Variants in GSK3B observed in about 807,000 individuals in gnomAD.
GSK3B encodes glycogen synthase kinase-3 beta.
GSK3B carries 15 observed loss-of-function variants against 56.4 expected under a neutral mutation model. The observed-to-expected ratio is 0.27, with a 90% CI of 0.18 to 0.41. The LOEUF (loss-of-function observed/expected upper bound fraction) is 0.41, where lower values mean the gene tolerates loss of function less well. Among genes scored for constraint, GSK3B ranks in the 10% least tolerant of loss-of-function variants. GSK3B has a pLI of 1.00. For missense variants in GSK3B, 300 were observed against 513.4 expected (o/e 0.58, Z 4.02); for synonymous variants, 181 against 188.9 (o/e 0.96, Z 0.34).
chr3:119,848,820 A>C (rs867452320), intron 9 of GSK3B, among the ~76,000 whole-genome samples: 1 of 152,296 alleles, frequency 6.6e-6, no homozygotes, highest in South Asian at 2.1e-4. Flanking sequence ...AAAGCTTAAA[A>C]CTGAGAAAAC....
chr3:119,911,109 T>A (rs542745988), intron 6 of GSK3B, among the ~76,000 whole-genome samples: 1 of 152,276 alleles, frequency 6.6e-6, no homozygotes, highest in East Asian at 1.9e-4. Context: ...ACACCTAGAA[T>A]GGTGAATCCT....
chr3:119,974,244 C>T (rs1411141832), intron 2 of GSK3B, among the ~76,000 whole-genome samples: 7 of 152,106 alleles, frequency 4.6e-5, no homozygotes, highest in Admixed American at 1.3e-4. Flanking sequence ...ATTCTTAAAA[C>T]TCAACAATAA....
intron 2 of GSK3B, among the ~76,000 whole-genome samples, chr3:119,951,499 A>G (rs1347812157): frequency 6.6e-6 from 1 of 152,202 alleles, no homozygotes; most frequent in Non-Finnish European, 1.5e-5. Context: ...TGAACCCAGG[A>G]GGTGGAGCCT....
intron 7 of GSK3B, among the ~76,000 whole-genome samples, chr3:119,882,580 G>A (rs945863832): frequency 6.6e-6 from 1 of 152,030 alleles, no homozygotes; most frequent in Admixed American, 6.6e-5. Flanking sequence ...ACATCAGCAT[G>A]CATATAATTA....
intron 10 of GSK3B, among the ~76,000 whole-genome samples, chr3:119,828,422 G>C (rs2055548962): frequency 6.6e-6 from 1 of 152,198 alleles, no homozygotes; most frequent in African/African-American, 2.4e-5. Flanking sequence ...TAAGCCCTGA[G>C]CAAGAGAGGT....
intron 7 of GSK3B, among the ~76,000 whole-genome samples, chr3:119,892,165 C>T (rs1034896640): frequency 6.6e-6 from 1 of 152,120 alleles, no homozygotes; most frequent in Admixed American, 6.5e-5. Flanking sequence ...CATGTGTAGC[C>T]TTTAAGAGCG....
chr3:119,849,670 AT>A (rs2055901643), intron 9 of GSK3B, among the ~76,000 whole-genome samples: 1 of 152,162 alleles, frequency 6.6e-6, no homozygotes. Flanking sequence ...TATGTAATGT[AT>A]AGTCAGCTAT....
chr3:119,891,791 A>T (rs1311169510), intron 7 of GSK3B, among the ~76,000 whole-genome samples: 2 of 152,132 alleles, frequency 1.3e-5, no homozygotes, highest in South Asian at 2.1e-4. Flanking sequence ...AAAAATTATC[A>T]CACCAATGGG....
Position 119,825,428 on chromosome 3 carries a change from G to A in GSK3B, c.*1360C>T, listed in dbSNP as rs1438450460. On this transcript the variant is annotated 3_prime_UTR_variant, in exon 11 of 11. Coordinates refer to ENST00000264235, the MANE Select transcript of GSK3B (RefSeq NM_001146156.2). ...CACAAAAACTCTTAACTGGGTGTGG[G>A]GGAAACATTCTTCTCATGCTTCAAC... is the stretch of plus-strand genomic sequence containing the variant. 1 of 229,974 alleles carries A rather than the reference G, an allele frequency of 4.3e-6. No individual in the cohort carries two copies. The highest frequency in any genetic ancestry group is 1.8e-4 in the South Asian group (1 of 5,494). 14.2% of individuals were successfully genotyped at this position (229,974 alleles called of 1,614,324 possible).
intron 2 of GSK3B, among the ~76,000 whole-genome samples, chr3:119,990,899 G>A (rs2057558614): frequency 6.6e-6 from 1 of 152,190 alleles, no homozygotes; most frequent in South Asian, 2.1e-4. Context: ...TTGCACTCCA[G>A]CCTGGGCAAC....
intron 1 of GSK3B, among the ~76,000 whole-genome samples, chr3:120,050,161 C>A (rs183803289): frequency 1.3e-5 from 2 of 152,240 alleles, no homozygotes; most frequent in Non-Finnish European, 1.5e-5. Context: ...CAGAATTAAC[C>A]CATTCCCATG....
intron 8 of GSK3B, among the ~76,000 whole-genome samples, chr3:119,865,412 A>G (rs1482796338): frequency 7.1e-6 from 1 of 140,826 alleles, no homozygotes; most frequent in Non-Finnish European, 1.5e-5. Flanking sequence ...CTATTAATAA[A>G]CCAGTATTAT....
At chr3:119,909,555 T>C (rs1342521050) in intron 6 of GSK3B, among the ~76,000 whole-genome samples, 1 of 152,226 alleles carries the variant, frequency 6.6e-6, no homozygotes, top group Non-Finnish European at 1.5e-5. Context: ...TAAGATGTAG[T>C]AAAAGAGAAG....
At chr3:119,831,596 G>A (rs997112740) in intron 10 of GSK3B, among the ~76,000 whole-genome samples, 3 of 151,040 alleles carry the variant, frequency 2.0e-5, no homozygotes, top group East Asian at 1.9e-4. Context: ...GGCAGAGGTT[G>A]CAATGAGCCG....
chr3:120,019,460 C>A (rs1384928801), intron 1 of GSK3B, among the ~76,000 whole-genome samples: 6 of 152,198 alleles, frequency 3.9e-5, no homozygotes, highest in African/African-American at 1.2e-4. Flanking sequence ...TTCCCTTAAA[C>A]CTGCATTATT....
In GSK3B at chr3:120,093,715, G is replaced by A. The variant is rs2058535080; in HGVS notation, c.-281C>T. ...TTCTTTCCCCTCCCTTTCCTGGGAG[G>A]AGAGAAAAGAGAGGGCAAATCCTAA... On this transcript the variant is annotated 5_prime_UTR_variant, in exon 1 of 11. Transcript: ENST00000264235. 2 of 331,994 alleles carry A rather than the reference G, an allele frequency of 6.0e-6. No homozygotes were observed. The highest frequency in any genetic ancestry group is 5.5e-6 in the Non-Finnish European group (1 of 182,688). 20.6% of individuals were successfully genotyped at this position (331,994 alleles called of 1,614,324 possible).
intron 8 of GSK3B, among the ~76,000 whole-genome samples, chr3:119,864,734 G>C (rs1465746970): frequency 6.6e-6 from 1 of 152,206 alleles, no homozygotes; most frequent in African/African-American, 2.4e-5. Flanking sequence ...ACAGTTAGTA[G>C]AACTAGTTAC....
chr3:120,028,855 T>C, intron 1 of GSK3B: 1 of 441,362 alleles, frequency 2.3e-6, no homozygotes, highest in East Asian at 5.1e-5. Flanking sequence ...CCACGGCTGC[T>C]CAGACGCAGG....
rs1157728377 is a variant in GSK3B at position 119,821,738 on chromosome 3, T to A, written c.*5050A>T. ...TTCCTCTACATCAAATCCAAAGGTTTCCAAGGTGGAAGCTGCACCTCTTGG... is the reference window on the plus strand; with the variant it reads ...TTCCTCTACATCAAATCCAAAGGTTACCAAGGTGGAAGCTGCACCTCTTGG... On this transcript the variant is annotated 3_prime_UTR_variant, in exon 11 of 11. Coordinates refer to ENST00000264235, the MANE Select transcript of GSK3B (RefSeq NM_001146156.2). 6.4e-6 allele frequency: 1 copy of A among 157,192 alleles called. No individual in the cohort carries two copies. The highest frequency in any genetic ancestry group is 1.4e-5 in the Non-Finnish European group (1 of 71,036). The allele number at this position is 157,192 out of a possible 1,614,324, so 9.7% of individuals were successfully genotyped here. A position where few individuals can be genotyped will look rare whatever the true frequency, so the allele number is the denominator to read the frequency against.
Sources: gnomAD v4.1 joint callset for allele counts (sites outside exome capture counted in the v4.1 genomes callset) on GRCh38, gnomAD v4.1.1 for gene constraint, MANE v1.5 for transcripts, NCBI Gene and HGNC (gene_info 2026-07-23, HGNC 2026-07-21) for gene names.